Variants in ZNF654 observed in about 807,000 individuals in gnomAD.
ZNF654 encodes the protein zinc finger protein 654, also known as melanoma-associated antigen.
In ZNF654, 19 loss-of-function variants were observed where a neutral mutation model predicts 95.3. The observed-to-expected ratio is 0.20, with a 90% CI of 0.14 to 0.29. The LOEUF is 0.29. ZNF654 is among the 10% of genes least tolerant of loss of function. The pLI is 1.00. For missense variants in ZNF654, 1,046 were observed against 1,341.0 expected, an observed-to-expected ratio of 0.78 and a Z score of 3.44; for synonymous variants, 413 against 457.9, an observed-to-expected ratio of 0.90 and a Z score of 1.25.
intron 2 of ZNF654, among the ~76,000 whole-genome samples, chr3:88,109,142 AGTGTGTGTGTGTGTGT>A (rs35595112): frequency 3.5e-5 from 5 of 142,530 alleles, no homozygotes; most frequent in Admixed American, 7.0e-5. Flanking sequence ...AGTGGGCACT[AGTGTGTGTGTGTGTGT>A]GTGTGTGTGT....
chr3:88,098,425 G>A (rs994816067), intron 2 of ZNF654, among the ~76,000 whole-genome samples: 12 of 152,150 alleles, frequency 7.9e-5, no homozygotes, highest in Non-Finnish European at 1.0e-4. Flanking sequence ...GGTATCATTC[G>A]TTCTCAAACT....
In ZNF654 at chr3:88,095,449, C is replaced by T. The variant is rs1237661214; in HGVS notation, c.332+9047C>T. ...TTTTCCTCTTTGGTTTCTGTATCCT[C>T]AAGGTACGCATGCAACATCAGTCTC... On this transcript the variant is annotated intron_variant, in intron 2 of 8. Transcript: ENST00000636215. 1.9e-5 allele frequency: 7 copies of T among 359,586 alleles called. No homozygotes were observed. In the East Asian group the frequency reaches 6.2e-4, roughly 32 times the overall value. The allele number at this position is 359,586 out of a possible 1,614,324, so 22.3% of individuals were successfully genotyped here. A position where few individuals can be genotyped will look rare whatever the true frequency, so the allele number is the denominator to read the frequency against.
chr3:88,106,103 G>C (rs2107737288), intron 2 of ZNF654, among the ~76,000 whole-genome samples: 1 of 152,234 alleles, frequency 6.6e-6, no homozygotes, highest in South Asian at 2.1e-4. Flanking sequence ...GCCAGAACTG[G>C]GAGCCAAATA....
Position 88,128,686 on chromosome 3 carries a change from G to A in ZNF654, c.551-123G>A, listed in dbSNP as rs150757498. On this transcript the variant is annotated intron_variant, in intron 4 of 8. Transcript: ENST00000636215. ...TTTTCACAAATAAACTCCTACTAAGGAAAATGCTATTTAAGTAGTTAAATC... is the reference window on the plus strand; with the variant it reads ...TTTTCACAAATAAACTCCTACTAAGAAAAATGCTATTTAAGTAGTTAAATC... The A allele has an allele frequency of 3.2e-3, 2,075 of 651,066 alleles. 15 individuals carry two copies. The highest frequency in any genetic ancestry group is 0.019 in the African/African-American group (1,027 of 54,242). 40.3% of individuals were successfully genotyped at this position (651,066 alleles called of 1,614,324 possible). A position where few individuals can be genotyped will look rare whatever the true frequency, so the allele number is the denominator to read the frequency against.
chr3:88,088,345 G>T (rs1004964759), intron 2 of ZNF654, among the ~76,000 whole-genome samples: 1 of 151,976 alleles, frequency 6.6e-6, no homozygotes, highest in Non-Finnish European at 1.5e-5. Flanking sequence ...CAATGAAAAA[G>T]TGAAAAATAA....
intron 2 of ZNF654, among the ~76,000 whole-genome samples, chr3:88,096,294 CAA>C (rs972180572): frequency 1.3e-5 from 2 of 151,840 alleles, no homozygotes; most frequent in African/African-American, 4.8e-5. Flanking sequence ...AATGGAGGGA[CAA>C]AGGAAGAAGA....
At chr3:88,060,142 GAC>G (rs1357566586) in intron 1 of ZNF654, among the ~76,000 whole-genome samples, 2 of 151,962 alleles carry the variant, frequency 1.3e-5, no homozygotes, top group Middle Eastern at 3.2e-3. Context: ...TCCTTCGGTT[GAC>G]ACACGCACTC....
At chr3:88,072,193 G>C (rs545796955) in intron 1 of ZNF654, among the ~76,000 whole-genome samples, 2 of 152,244 alleles carry the variant, frequency 1.3e-5, no homozygotes, top group East Asian at 3.9e-4. Context: ...AGGGAGAAAA[G>C]GCATATCTAA....
At position 88,090,776 on chromosome 3, in the gene ZNF654, A is replaced by G. The variant is rs576935268; in HGVS notation, c.332+4374A>G. 1.3e-4 allele frequency among the ~76,000 whole-genome samples: 20 copies of G among 152,244 alleles called. No individual in the cohort carries two copies. In the East Asian group the frequency reaches 3.9e-3, roughly 29 times the overall value. On this transcript the variant is annotated intron_variant, in intron 2 of 8. Coordinates refer to ENST00000636215, the MANE Select transcript of ZNF654 (RefSeq NM_001350134.2). ...TTTTACACCAGGGGTGTCCAATCTT[A>G]TGGCTTCCCTGGCCACATTGGAAGA... is the stretch of plus-strand genomic sequence containing the variant.
intron 2 of ZNF654, among the ~76,000 whole-genome samples, chr3:88,094,659 CT>C (rs1197417406): frequency 4.6e-5 from 7 of 152,006 alleles, no homozygotes; most frequent in Non-Finnish European, 8.8e-5. Flanking sequence ...GATCTTTATT[CT>C]TTAAAAGTTA....
At chr3:88,116,121 G>A (rs1395560364) in intron 3 of ZNF654, among the ~76,000 whole-genome samples, 4 of 152,082 alleles carry the variant, frequency 2.6e-5, no homozygotes, top group African/African-American at 7.2e-5. Context: ...TAGGGATTTG[G>A]GGTGTGGTCA....
intron 3 of ZNF654, among the ~76,000 whole-genome samples, chr3:88,124,793 C>G (rs1247668536): frequency 6.6e-6 from 1 of 150,860 alleles, no homozygotes. Flanking sequence ...TTCAACATTG[C>G]CAGTTTCTAC....
chr3:88,129,321 TAAAAAAAAAAAA>T (rs11370327), intron 5 of ZNF654, among the ~76,000 whole-genome samples: 1 of 76,948 alleles, frequency 1.3e-5, no homozygotes, highest in Non-Finnish European at 2.4e-5. Flanking sequence ...TTGCCAGGAG[TAAAAAAAAAAAA>T]AAAAAAAAAA....
intron 1 of ZNF654, among the ~76,000 whole-genome samples, chr3:88,082,250 C>A (rs1211059429): frequency 6.6e-6 from 1 of 152,064 alleles, no homozygotes; most frequent in Non-Finnish European, 1.5e-5. Context: ...CCTCAGCCTC[C>A]CAAGTAGCTA....
chr3:88,074,948 T>G (rs9310067), intron 1 of ZNF654, among the ~76,000 whole-genome samples: 119,073 of 152,006 alleles, frequency 0.78, 47,562 homozygotes, highest in South Asian at 0.91. Flanking sequence ...TCATCAAGTG[T>G]TTAATTGTGC....
At chr3:88,096,592 AAGTCCATCC>A (rs1477395745) in intron 2 of ZNF654, among the ~76,000 whole-genome samples, 1 of 152,144 alleles carries the variant, frequency 6.6e-6, no homozygotes, top group East Asian at 1.9e-4. Flanking sequence ...TACTTTAAAG[AAGTCCATCC>A]AGTGTCTTCT....
At chr3:88,097,180 T>C (rs55936434) in intron 2 of ZNF654, among the ~76,000 whole-genome samples, 2 of 152,008 alleles carry the variant, frequency 1.3e-5, no homozygotes, top group African/African-American at 4.8e-5. Context: ...CTTAGATGTA[T>C]CCTAGGAGTA....
At chr3:88,132,708 T>C (rs1424299748) in intron 6 of ZNF654, among the ~76,000 whole-genome samples, 4 of 152,204 alleles carry the variant, frequency 2.6e-5, no homozygotes, top group Non-Finnish European at 4.4e-5. Context: ...TTAGGGGAAG[T>C]ATATGCCAGA....
chr3:88,104,430 T>C (rs1704614272), intron 2 of ZNF654, among the ~76,000 whole-genome samples: 1 of 152,158 alleles, frequency 6.6e-6, no homozygotes, highest in African/African-American at 2.4e-5. Context: ...CCATAAACAC[T>C]ACATAAATTA....
Sources: allele counts gnomAD v4.1 joint callset (sites outside exome capture counted in the v4.1 genomes callset), GRCh38; gene constraint gnomAD v4.1.1; transcripts MANE v1.5; gene names NCBI Gene and HGNC (gene_info 2026-07-23, HGNC 2026-07-21).